The following CIITA variants were observed in gnomAD, a reference collection of about 807,000 sequenced individuals.
CIITA encodes class II major histocompatibility complex transactivator, also known as MHC class II transactivator.
Under a neutral mutation model 115.1 loss-of-function variants are expected in CIITA, and 72 were observed. That is an observed-to-expected ratio of 0.63 (90% CI 0.52 to 0.76). The LOEUF (loss-of-function observed/expected upper bound fraction) is 0.76. Among genes scored for constraint, CIITA ranks in the 30% least tolerant of loss-of-function variants. CIITA has a pLI of 0.00. For synonymous variants in CIITA, 763 were observed against 635.6 expected (o/e 1.20, Z -3.02); for missense variants, 1,617 against 1,463.8 (o/e 1.10, Z -1.71).
chr16:10,900,392 T>A (rs1216156920), intron 5 of CIITA, among the ~76,000 whole-genome samples: 1 of 152,194 alleles, frequency 6.6e-6, no homozygotes, highest in Non-Finnish European at 1.5e-5. Flanking sequence ...TTTCTTTTCT[T>A]GTTTTTCTTC....
At chr16:10,869,428 C>T (rs1192806863) in intron 1 of CIITA, among the ~76,000 whole-genome samples, 1 of 152,164 alleles carries the variant, frequency 6.6e-6, no homozygotes, top group Non-Finnish European at 1.5e-5. Flanking sequence ...ATTCTTTGCA[C>T]CTTATCAATG....
At chr16:10,882,637 C>T (rs1436118353) in intron 1 of CIITA, among the ~76,000 whole-genome samples, 1 of 152,128 alleles carries the variant, frequency 6.6e-6, no homozygotes, top group African/African-American at 2.4e-5. Flanking sequence ...GTGGCTCACA[C>T]CTGTAACCCC....
chr16:10,900,852 T>C (rs1163405981), intron 5 of CIITA, among the ~76,000 whole-genome samples: 2 of 152,190 alleles, frequency 1.3e-5, no homozygotes, highest in Non-Finnish European at 2.9e-5. Flanking sequence ...TGGGTTTTAT[T>C]CATCTTATCA....
Position 10,920,375 on chromosome 16 carries a change from G to A in CIITA, c.3150-1792G>A, listed in dbSNP as rs1341166459. 6.6e-6 allele frequency among the ~76,000 whole-genome samples: 1 copy of A among 152,214 alleles called. No homozygotes were observed. The highest frequency in any genetic ancestry group is 2.4e-5 in the African/African-American group (1 of 41,444). ...TGATTCTCATGCCTCAGCCTCCCAA[G>A]TAGCTGGGATTACAGATGCCCGCCA... On this transcript the variant is annotated intron_variant, in intron 16 of 19. Transcript: ENST00000324288. This position sits in a 1 kb window ranked among gnomAD's most constrained non-coding sequence, Gnocchi z 4.5.
Position 10,907,944 on chromosome 16 carries a change from G to A in CIITA, c.2452G>A (p.Glu818Lys). The A allele has an allele frequency of 6.4e-7, 1 of 1,564,284 alleles. No individual in the cohort carries two copies. Among genetic ancestry groups the A allele is most frequent in the Non-Finnish European group, 8.6e-7 (1 of 1,156,836 alleles). ...ELLHCAHEAE[E>K]AGIWQHVVQE... ...GCTGCACTGCGCCCACGAGGCCGAG[G>A]AGGCTGGAATTTGGCAGCACGTGGT... Residue 818 changes from glutamate (E) to lysine (K), a missense_variant, in exon 11 of 20, where the codon GAG becomes AAG. By Grantham distance (56) the Glu-to-Lys change is moderately conservative. Transcript: ENST00000324288. This position sits in a 1 kb window ranked among gnomAD's most constrained non-coding sequence, Gnocchi z 5.0.
At chr16:10,890,596 G>A (rs1464721474) in intron 1 of CIITA, among the ~76,000 whole-genome samples, 2 of 152,168 alleles carry the variant, frequency 1.3e-5, no homozygotes, top group African/African-American at 4.8e-5. Flanking sequence ...GGCCTATGGG[G>A]CCCTTCTTGT....
chr16:10,881,900 C>A (rs1410910430), intron 1 of CIITA, among the ~76,000 whole-genome samples: 1 of 152,162 alleles, frequency 6.6e-6, no homozygotes, highest in Admixed American at 6.5e-5. Flanking sequence ...CTCTAGACAC[C>A]GCCTATAAAT....
chr16:10,877,104 G>T (rs1033784573), upstream of CIITA: 5 of 615,576 alleles, frequency 8.1e-6, no homozygotes, highest in South Asian at 5.7e-5. Context: ...AAATCTGACC[G>T]CTTGGGGCCA....
At chr16:10,866,346 G>A (rs754476439) in intron 1 of CIITA, 5 of 568,766 alleles carry the variant, frequency 8.8e-6, no homozygotes, top group South Asian at 7.0e-5. Flanking sequence ...CCAGCCATCA[G>A]CCCAGCCTGG....
At chr16:10,889,727 C>A (rs753732122) in intron 1 of CIITA, among the ~76,000 whole-genome samples, 3 of 152,092 alleles carry the variant, frequency 2.0e-5, no homozygotes, top group Non-Finnish European at 4.4e-5. Context: ...CCATGTTGCC[C>A]GGGCTGGTCT....
chr16:10,869,338 G>C (rs558780219), intron 1 of CIITA, among the ~76,000 whole-genome samples: 39 of 152,280 alleles, frequency 2.6e-4, no homozygotes, highest in Admixed American at 6.5e-4. Flanking sequence ...GTCTGCCTCA[G>C]AACCTTTGCA....
At chr16:10,939,460 T>A (rs2041072142), downstream of CIITA, 1 of 152,334 alleles carries the variant, frequency 6.6e-6, no homozygotes, top group Non-Finnish European at 1.5e-5. The surrounding 1 kb of genome is among the most constrained non-coding windows in gnomAD (Gnocchi z 4.9). Flanking sequence ...CTCACTGACC[T>A]TTCCTGGGGC....
Position 10,901,794 on chromosome 16 carries a change from C to T in CIITA, c.481+236C>T, listed in dbSNP as rs529350100. 3.0e-6 allele frequency: 2 copies of T among 675,200 alleles called. No individual in the cohort carries two copies. Among genetic ancestry groups the T allele is most frequent in the South Asian group, 1.8e-5 (1 of 55,094 alleles). 41.8% of individuals were successfully genotyped at this position (675,200 alleles called of 1,614,324 possible). A position where few individuals can be genotyped will look rare whatever the true frequency, so the allele number is the denominator to read the frequency against. ...GATTGTTCATAGGTTCTATTCTGCC[C>T]CAGCTCTCCGTGTGGAGGCCCTAGG... On this transcript the variant is annotated intron_variant, in intron 6 of 19. Transcript: ENST00000324288. The surrounding 1 kb of genome is among the most constrained non-coding windows in gnomAD (Gnocchi z 6.8).
At chr16:10,877,994 T>G (rs944057450) in intron 1 of CIITA, among the ~76,000 whole-genome samples, 1 of 152,052 alleles carries the variant, frequency 6.6e-6, no homozygotes, top group African/African-American at 2.4e-5. Flanking sequence ...CTGGGAAGGG[T>G]GTGCCCCTGA....
rs2038710363 is a variant in CIITA at position 10,901,180 on chromosome 16, G to A, written c.437-334G>A. Among the ~76,000 whole-genome samples the A allele has an allele frequency of 6.6e-6, 1 of 152,218 alleles. No homozygotes were observed. The highest frequency in any genetic ancestry group is 6.5e-5 in the Admixed American group (1 of 15,286). On this transcript the variant is annotated intron_variant, in intron 5 of 19. Transcript: ENST00000324288. The surrounding 1 kb of genome is among the most constrained non-coding windows in gnomAD (Gnocchi z 6.8). ...TCATAGATGTGAGATCAAAGGTTCA[G>A]AGAAGCTGCATTGCAAAGGCACACA...
chr16:10,918,654 G>T, intron 16 of CIITA, 128 bp downstream of exon 16: 1 of 752,126 alleles, frequency 1.3e-6, no homozygotes, highest in East Asian at 2.5e-5. Context: ...TGAACAAAAG[G>T]ATTAGCGGGA....
At chr16:10,883,123 G>T (rs968257227) in intron 1 of CIITA, among the ~76,000 whole-genome samples, 1 of 152,092 alleles carries the variant, frequency 6.6e-6, no homozygotes, top group Non-Finnish European at 1.5e-5. Flanking sequence ...GCTGGCGGGG[G>T]GACTGTGTTA....
chr16:10,913,876 G>T (rs1206236261), intron 13 of CIITA, among the ~76,000 whole-genome samples: 1 of 151,958 alleles, frequency 6.6e-6, no homozygotes, highest in East Asian at 2.0e-4. Flanking sequence ...GGGAGGCGGA[G>T]GTTGCGGTGA....
At position 10,895,765 on chromosome 16, in the gene CIITA, G is replaced by C; in HGVS notation, c.295+1G>C. 1 of 1,613,980 alleles carries C rather than the reference G, an allele frequency of 6.2e-7. No individual in the cohort carries two copies. The highest frequency in any genetic ancestry group is 8.5e-7 in the Non-Finnish European group (1 of 1,179,906). On this transcript the variant is annotated splice_donor_variant, in intron 3 of 19. Transcript: ENST00000324288. LOFTEE classifies it high-confidence loss of function. ...ACCAGGGAGGCTTATGCCAATATCGGTGAGGAAGCACCTGAGCCCAGAAAA... is the reference window on the plus strand; with the variant it reads ...ACCAGGGAGGCTTATGCCAATATCGCTGAGGAAGCACCTGAGCCCAGAAAA...
Sources: allele counts gnomAD v4.1 joint callset (sites outside exome capture counted in the v4.1 genomes callset), GRCh38; gene constraint gnomAD v4.1.1; non-coding constraint Gnocchi (gnomAD v3.1); transcripts MANE v1.5; gene names NCBI Gene and HGNC (gene_info 2026-07-23, HGNC 2026-07-21).